The following POLA1 variants were observed in gnomAD, a reference collection of about 807,000 sequenced individuals.
The protein encoded by POLA1 is DNA polymerase alpha 1, catalytic subunit.
In POLA1, 15 loss-of-function variants were observed where a neutral mutation model predicts 124.0. That is an observed-to-expected ratio of 0.12 (90% CI 0.08 to 0.19). The LOEUF is 0.19. Among genes scored for constraint, POLA1 ranks in the 10% least tolerant of loss-of-function variants. The pLI is 1.00. For missense variants in POLA1, 886 were observed against 1,103.4 expected, an observed-to-expected ratio of 0.80 and a Z score of 2.79; for synonymous variants, 408 against 389.4, an observed-to-expected ratio of 1.05 and a Z score of -0.56.
chrX:24,984,348 GATGTGCAATAC>G (rs1043837616), intron 36 of POLA1, among the ~76,000 whole-genome samples: 3 of 112,078 alleles, frequency 2.7e-5, no homozygotes, highest in Non-Finnish European at 5.6e-5. Context: ...AAGAATCTGA[GATGTGCAATAC>G]AACATTCCCT....
chrX:24,831,361 T>C (rs1027097503), intron 32 of POLA1, among the ~76,000 whole-genome samples: 1 of 112,225 alleles, frequency 8.9e-6, no homozygotes, highest in Non-Finnish European at 1.9e-5. Context: ...ATTATTAAGC[T>C]CTTATAAAAA....
chrX:24,796,554 T>C (rs954489251), intron 26 of POLA1, among the ~76,000 whole-genome samples: 13 of 111,314 alleles, frequency 1.2e-4, no homozygotes, highest in African/African-American at 4.2e-4. Flanking sequence ...CCTGCCACTC[T>C]AGCACCATTA....
intron 32 of POLA1, among the ~76,000 whole-genome samples, chrX:24,834,596 G>T (rs2046316720): frequency 9.0e-6 from 1 of 111,539 alleles, no homozygotes; most frequent in Non-Finnish European, 1.9e-5. Context: ...ACAGAACAGG[G>T]TGAAACCCCA....
chrX:24,834,116 A>G (rs1210495691), intron 32 of POLA1, among the ~76,000 whole-genome samples: 1 of 109,361 alleles, frequency 9.1e-6, no homozygotes, highest in East Asian at 2.8e-4. Flanking sequence ...AGAAAGAAAA[A>G]AAAAAAAAAA....
At chrX:24,891,302 G>T (rs1304763478) in intron 35 of POLA1, among the ~76,000 whole-genome samples, 1 of 111,346 alleles carries the variant, frequency 9.0e-6, no homozygotes, top group Middle Eastern at 4.6e-3. Flanking sequence ...CTCTGGTTCC[G>T]GTGCTGCTCA....
chrX:24,705,177 G>A (rs915431906), intron 4 of POLA1, among the ~76,000 whole-genome samples: 5 of 111,328 alleles, frequency 4.5e-5, no homozygotes, highest in Admixed American at 9.6e-5. Context: ...CAATTCAGTG[G>A]CTTTTAATAT....
At chrX:24,909,279 T>C (rs1411993873) in intron 35 of POLA1, among the ~76,000 whole-genome samples, 3 of 112,128 alleles carry the variant, frequency 2.7e-5, no homozygotes, top group Admixed American at 9.5e-5. Flanking sequence ...GTTGCCATTG[T>C]TTTTGGTGTT....
intron 34 of POLA1, among the ~76,000 whole-genome samples, chrX:24,844,950 C>T (rs1409128906): frequency 9.0e-6 from 1 of 111,597 alleles, no homozygotes; most frequent in East Asian, 2.8e-4. Context: ...GGGAAGAATT[C>T]TGAGCTTTCT....
intron 26 of POLA1, among the ~76,000 whole-genome samples, chrX:24,774,439 A>G (rs2045097604): frequency 8.9e-6 from 1 of 111,988 alleles, no homozygotes; most frequent in Non-Finnish European, 1.9e-5. Context: ...AAAAACAAGC[A>G]ACAGTTTTGA....
chrX:24,982,944 A>G (rs1018246323), intron 36 of POLA1, among the ~76,000 whole-genome samples: 8 of 112,252 alleles, frequency 7.1e-5, no homozygotes, highest in African/African-American at 9.7e-5. Context: ...ATTTATTTAC[A>G]TTTTAAAAAT....
intron 26 of POLA1, among the ~76,000 whole-genome samples, chrX:24,803,946 A>G (rs1306596719): frequency 1.9e-5 from 2 of 103,870 alleles, no homozygotes; most frequent in Non-Finnish European, 3.9e-5. Flanking sequence ...AAAAAAAAAA[A>G]AAAAAAAAAA....
At chrX:24,734,068 C>T in intron 17 of POLA1, 1 of 215,130 alleles carries the variant, frequency 4.6e-6, no homozygotes, top group Non-Finnish European at 8.7e-6. Context: ...TCAAACCCCC[C>T]TCCAATAGCT....
intron 26 of POLA1, among the ~76,000 whole-genome samples, chrX:24,786,045 A>G (rs1206224112): frequency 8.9e-6 from 1 of 112,205 alleles, no homozygotes; most frequent in Non-Finnish European, 1.9e-5. Flanking sequence ...TTCCTTTTTT[A>G]TGGCCAAATA....
chrX:24,773,465 T>C (rs1326700883), intron 26 of POLA1, among the ~76,000 whole-genome samples: 2 of 112,196 alleles, frequency 1.8e-5, no homozygotes, highest in African/African-American at 6.5e-5. Context: ...GCAAGGGAGC[T>C]GGAGTGCTGA....
chrX:24,986,503 C>T (rs1437739772), intron 36 of POLA1, among the ~76,000 whole-genome samples: 1 of 109,789 alleles, frequency 9.1e-6, no homozygotes, highest in Non-Finnish European at 1.9e-5. Context: ...TGACCGGTAG[C>T]TCACACCTGT....
chrX:24,981,131 G>A (rs952832680), intron 36 of POLA1, among the ~76,000 whole-genome samples: 1 of 112,156 alleles, frequency 8.9e-6, no homozygotes, highest in Non-Finnish European at 1.9e-5. Context: ...GCTATGCTAC[G>A]TTATTGGTTT....
chrX:24,711,459 A>G (rs1340094830), intron 4 of POLA1, among the ~76,000 whole-genome samples: 1 of 112,395 alleles, frequency 8.9e-6, no homozygotes, highest in Non-Finnish European at 1.9e-5. Flanking sequence ...TGTTTATTCA[A>G]ATGGTTTCCT....
chrX:24,826,363 T>G, intron 31 of POLA1, 64 bp from the exon 32 acceptor site: 1 of 828,058 alleles, frequency 1.2e-6, no homozygotes, highest in South Asian at 3.3e-5. Context: ...TGTCTGTGAT[T>G]GAGTTGCTCA....
In POLA1 at chrX:24,737,853, T is replaced by C. The variant is rs1474265178; in HGVS notation, c.2040+112T>C. The C allele has an allele frequency of 1.5e-5, 6 of 388,326 alleles. No homozygotes were observed. The East Asian group carries it at 2.6e-4, about 17-fold the overall frequency. The allele number at this position is 388,326 out of a possible 1,213,427, so 32.0% of individuals were successfully genotyped here. ...AATTGGTTATCTTGTTATGGGAACTTCAGTACATTTTAACTTTGGCACTAA... is the reference window on the plus strand; with the variant it reads ...AATTGGTTATCTTGTTATGGGAACTCCAGTACATTTTAACTTTGGCACTAA... On this transcript the variant is annotated intron_variant, in intron 19 of 36. Coordinates refer to ENST00000379068, the MANE Select transcript of POLA1 (RefSeq NM_001330360.2).
Sources: allele counts gnomAD v4.1 joint callset (sites outside exome capture counted in the v4.1 genomes callset), GRCh38; gene constraint gnomAD v4.1.1; transcripts MANE v1.5; gene names NCBI Gene and HGNC (gene_info 2026-07-23, HGNC 2026-07-21).